COG5: variants seen among roughly 807,000 people sequenced by gnomAD.
COG5 encodes the protein conserved oligomeric Golgi complex subunit 5.
Under a neutral mutation model 110.4 loss-of-function variants are expected in COG5, and 86 were observed. The ratio of observed to expected loss-of-function variants is 0.78; its 90% CI spans 0.65 to 0.93. The LOEUF (loss-of-function observed/expected upper bound fraction) is 0.93, where lower values mean the gene tolerates loss of function less well. COG5 is among the 40% of genes least tolerant of loss of function. The pLI, the probability that COG5 is intolerant of heterozygous loss-of-function variation, is 0.00. For missense variants in COG5, 1,077 were observed against 987.0 expected, an observed-to-expected ratio of 1.09 and a Z score of -1.22; for synonymous variants, 360 against 334.6, an observed-to-expected ratio of 1.08 and a Z score of -0.83.
At position 107,237,337 on chromosome 7, in the gene COG5, A is replaced by G. The variant is rs561845831; in HGVS notation, c.1854-650T>C. 5.9e-5 allele frequency among the ~76,000 whole-genome samples: 9 copies of G among 152,380 alleles called. No individual in the cohort carries two copies. In the South Asian group the frequency reaches 1.9e-3, roughly 32 times the overall value. On this transcript the variant is annotated intron_variant, in intron 17 of 21. Coordinates refer to ENST00000297135, the MANE Select transcript of COG5 (RefSeq NM_006348.5). ...TACTATTTATAATTTATAAATGTTT[A>G]TAATTGCTCTTTAAAGAATATATTA...
At chr7:107,303,021 G>C (rs1006986777) in intron 11 of COG5, among the ~76,000 whole-genome samples, 1 of 152,144 alleles carries the variant, frequency 6.6e-6, no homozygotes, top group Non-Finnish European at 1.5e-5. Flanking sequence ...TTCAAAGCAC[G>C]TTTGGTACCT....
At chr7:107,529,605 G>A (rs1801029893) in intron 5 of COG5, among the ~76,000 whole-genome samples, 1 of 152,194 alleles carries the variant, frequency 6.6e-6, no homozygotes, top group South Asian at 2.1e-4. Flanking sequence ...GGACATGTGG[G>A]CAGCCCACCC....
At chr7:107,413,504 T>G (rs750505978) in intron 6 of COG5, among the ~76,000 whole-genome samples, 1 of 143,322 alleles carries the variant, frequency 7.0e-6, no homozygotes, top group Non-Finnish European at 1.5e-5. Context: ...TGCTTTTCAG[T>G]AAGAGACATG....
chr7:107,215,459 A>T (rs1174201057), intron 19 of COG5, among the ~76,000 whole-genome samples: 4 of 152,018 alleles, frequency 2.6e-5, no homozygotes, highest in Non-Finnish European at 4.4e-5. Context: ...CAAGGTCAGG[A>T]GATCGAGACC....
At chr7:107,299,944 C>T (rs1241943612) in intron 11 of COG5, among the ~76,000 whole-genome samples, 1 of 148,694 alleles carries the variant, frequency 6.7e-6, no homozygotes, top group Non-Finnish European at 1.5e-5. Context: ...TGTTCTTTAA[C>T]TCCTAGGCTC....
At chr7:107,289,612 AG>A (rs1805992153) in intron 12 of COG5, among the ~76,000 whole-genome samples, 1 of 152,216 alleles carries the variant, frequency 6.6e-6, no homozygotes, top group South Asian at 2.1e-4. Context: ...CATCTTAACA[AG>A]GTCAAGTCTT....
intron 14 of COG5, among the ~76,000 whole-genome samples, chr7:107,263,127 C>T (rs1803505654): frequency 2.0e-5 from 3 of 152,094 alleles, no homozygotes; most frequent in Non-Finnish European, 4.4e-5. Context: ...GGTTTTGCTC[C>T]ATTTGGGTTG....
intron 10 of COG5, among the ~76,000 whole-genome samples, chr7:107,329,335 G>A (rs1584685371): frequency 6.6e-6 from 1 of 152,058 alleles, no homozygotes; most frequent in South Asian, 2.1e-4. Context: ...ATATAAAGTA[G>A]ATTCAGAGGG....
chr7:107,307,414 G>C (rs971762088), intron 11 of COG5, among the ~76,000 whole-genome samples: 1 of 152,068 alleles, frequency 6.6e-6, no homozygotes, highest in Non-Finnish European at 1.5e-5. Context: ...TGTTTTTATA[G>C]GTTTCAAACA....
chr7:107,504,610 G>A (rs964881923), intron 6 of COG5, among the ~76,000 whole-genome samples: 3 of 152,178 alleles, frequency 2.0e-5, no homozygotes, highest in African/African-American at 7.2e-5. Flanking sequence ...GAATTCAGCT[G>A]TGAATCTATC....
At chr7:107,471,584 C>T (rs1225626462) in intron 6 of COG5, 3 of 151,596 alleles carry the variant, frequency 2.0e-5, no homozygotes, top group Admixed American at 6.6e-5. Flanking sequence ...AAAATAACCA[C>T]AAAAAGAAAA....
At position 107,327,277 on chromosome 7, in the gene COG5, C is replaced by T. The variant is rs141691681; in HGVS notation, c.1027-2756G>A. ...ATAAAGTTGAAACTTTACCTCATACCATGTATAAAAACTAACTCAAAATGG... is the reference window on the plus strand; with the variant it reads ...ATAAAGTTGAAACTTTACCTCATACTATGTATAAAAACTAACTCAAAATGG... On this transcript the variant is annotated intron_variant, in intron 10 of 21. Transcript: ENST00000297135. 7.1e-3 allele frequency among the ~76,000 whole-genome samples: 1,079 copies of T among 152,050 alleles called. 19 individuals are homozygous for T. The highest frequency in any genetic ancestry group is 0.041 in the East Asian group (214 of 5,172).
chr7:107,449,960 G>C (rs953438258), intron 6 of COG5: 1 of 152,194 alleles, frequency 6.6e-6, no homozygotes, highest in Admixed American at 6.5e-5. Flanking sequence ...CAAAAAGAAG[G>C]TAAAGGATCT....
intron 7 of COG5, among the ~76,000 whole-genome samples, chr7:107,403,602 T>C (rs1472716514): frequency 6.6e-6 from 1 of 151,940 alleles, no homozygotes; most frequent in Admixed American, 6.6e-5. Context: ...GACACCTTTT[T>C]AATATGATCC....
intron 6 of COG5, among the ~76,000 whole-genome samples, chr7:107,503,757 G>A (rs76742243): frequency 0.13 from 19,072 of 152,012 alleles, 1,500 homozygotes; most frequent in Non-Finnish European, 0.17. Flanking sequence ...CTTTTTTGCA[G>A]ATGCAAAAGG....
intron 11 of COG5, among the ~76,000 whole-genome samples, chr7:107,302,623 T>C (rs548587215): frequency 4.2e-4 from 64 of 152,296 alleles, no homozygotes; most frequent in Non-Finnish European, 8.5e-4. Flanking sequence ...CAATGCACCA[T>C]GGGCCTCAAG....
At chr7:107,212,328 A>G (rs1445947245) in intron 19 of COG5, among the ~76,000 whole-genome samples, 1 of 152,226 alleles carries the variant, frequency 6.6e-6, no homozygotes, top group East Asian at 1.9e-4. Flanking sequence ...TCCAAACCAG[A>G]CATTCCATGA....
chr7:107,260,166 A>G (rs951985420), intron 14 of COG5, among the ~76,000 whole-genome samples: 1 of 151,414 alleles, frequency 6.6e-6, no homozygotes, highest in African/African-American at 2.4e-5. Context: ...ATAATAAGAA[A>G]ATAGACACAA....
Position 107,537,757 on chromosome 7 carries a change from A to G in COG5, c.417+10354T>C, listed in dbSNP as rs1801696626. On this transcript the variant is annotated intron_variant, in intron 5 of 21. Transcript: ENST00000297135. ...ATAATTTAAAAAAAAAAGAAAGAAA[A>G]AAAAAAGAGCAAAGGATTATTTGAA... Among the ~76,000 whole-genome samples, 3 of 152,140 alleles carry G rather than the reference A, an allele frequency of 2.0e-5. No homozygotes were observed. In the East Asian group the frequency reaches 5.8e-4, roughly 29 times the overall value.
Sources: gnomAD v4.1 joint callset for allele counts (sites outside exome capture counted in the v4.1 genomes callset) on GRCh38, gnomAD v4.1.1 for gene constraint, MANE v1.5 for transcripts, NCBI Gene and HGNC (gene_info 2026-07-23, HGNC 2026-07-21) for gene names.